ITSN1: variants seen among roughly 807,000 people sequenced by gnomAD.
ITSN1 encodes intersectin-1.
Under a neutral mutation model 239.8 loss-of-function variants are expected in ITSN1, and 58 were observed. The observed-to-expected ratio is 0.24, with a 90% CI of 0.20 to 0.30. The LOEUF (loss-of-function observed/expected upper bound fraction) is 0.30, where lower values mean the gene tolerates loss of function less well. Among genes scored for constraint, ITSN1 ranks in the 10% least tolerant of loss-of-function variants. The pLI is 1.00. For missense variants in ITSN1, 1,558 were observed against 2,103.3 expected (o/e 0.74, Z 5.07); for synonymous variants, 780 against 770.8 (o/e 1.01, Z -0.20).
intron 1 of ITSN1, among the ~76,000 whole-genome samples, chr21:33,657,413 T>C (rs1177053686): frequency 6.6e-6 from 1 of 152,218 alleles, no homozygotes; most frequent in Non-Finnish European, 1.5e-5. Flanking sequence ...CTCTGTTACA[T>C]TTAGGACTTC....
intron 14 of ITSN1, among the ~76,000 whole-genome samples, chr21:33,780,015 A>G (rs923862737): frequency 3.9e-5 from 6 of 152,096 alleles, no homozygotes; most frequent in South Asian, 2.1e-4. Context: ...TATTTTTTGC[A>G]GAGATGGGGT....
rs1255107080 is a variant in ITSN1, at chr21:33,889,948, A to G, written c.*1648A>G. ...AAATACTTTATTATTTATTTATTGA[A>G]GATAGTGTAGAATTTTGTATCAAGA... is the stretch of plus-strand genomic sequence containing the variant. On this transcript the variant is annotated 3_prime_UTR_variant, in exon 40 of 40. Coordinates refer to ENST00000381318, the MANE Select transcript of ITSN1 (RefSeq NM_003024.3). The G allele has an allele frequency of 2.0e-5, 3 of 152,214 alleles. No individual in the cohort carries two copies. Among genetic ancestry groups the G allele is most frequent in the Non-Finnish European group, 4.4e-5 (3 of 68,036 alleles). 9.4% of individuals were successfully genotyped at this position (152,214 alleles called of 1,614,324 possible). A position where few individuals can be genotyped will look rare whatever the true frequency, so the allele number is the denominator to read the frequency against.
At chr21:33,781,962 TTTC>T in intron 15 of ITSN1, 29 bp from the exon 16 acceptor site, 2 of 1,562,424 alleles carry the variant, frequency 1.3e-6, no homozygotes, top group Non-Finnish European at 1.7e-6. Context: ...AATTAAAGTT[TTTC>T]TTATCTTTGC....
chr21:33,846,735 G>A (rs180750668), intron 29 of ITSN1, among the ~76,000 whole-genome samples: 12 of 152,290 alleles, frequency 7.9e-5, no homozygotes, highest in Admixed American at 2.6e-4. Context: ...GGCAGGACAC[G>A]TCACAGTGTT....
At chr21:33,680,248 T>G (rs2090861256) in intron 1 of ITSN1, among the ~76,000 whole-genome samples, 1 of 152,140 alleles carries the variant, frequency 6.6e-6, no homozygotes, top group Admixed American at 6.5e-5. Flanking sequence ...TTCTTTCTGT[T>G]TTTGTTCTTT....
rs534917526 is a variant in ITSN1 at position 33,804,302 on chromosome 21, C to G, written c.2319+1858C>G. On this transcript the variant is annotated intron_variant, in intron 20 of 39. Coordinates refer to ENST00000381318, the MANE Select transcript of ITSN1 (RefSeq NM_003024.3). Reference sequence around the variant, plus strand: ...AAACTTAGCCTGGTTTTATCCAAAACTATAATTTTTCATGTTTAACAAAAA... The same window carrying G: ...AAACTTAGCCTGGTTTTATCCAAAAGTATAATTTTTCATGTTTAACAAAAA... Among the ~76,000 whole-genome samples the G allele has an allele frequency of 3.9e-5, 6 of 152,242 alleles. No individual in the cohort carries two copies. The South Asian group carries it at 8.3e-4, about 21-fold the overall frequency.
chr21:33,841,299 A>G (rs775519553), intron 29 of ITSN1, among the ~76,000 whole-genome samples: 3 of 152,254 alleles, frequency 2.0e-5, no homozygotes, highest in Non-Finnish European at 2.9e-5. Context: ...AGGTTTAACC[A>G]TATGAAATTG....
At chr21:33,701,726 C>T (rs547250755) in intron 1 of ITSN1, among the ~76,000 whole-genome samples, 3 of 151,158 alleles carry the variant, frequency 2.0e-5, no homozygotes, top group South Asian at 2.1e-4. Context: ...ACCCAGGAGG[C>T]GGAGGCTGCA....
chr21:33,698,708 C>T (rs1181837174), intron 1 of ITSN1, among the ~76,000 whole-genome samples: 2 of 152,134 alleles, frequency 1.3e-5, no homozygotes, highest in Non-Finnish European at 2.9e-5. Context: ...AGTACCTTTT[C>T]TCTGTGTTTT....
At chr21:33,798,490 A>G (rs1001885540) in intron 18 of ITSN1, among the ~76,000 whole-genome samples, 1 of 152,166 alleles carries the variant, frequency 6.6e-6, no homozygotes, top group Admixed American at 6.5e-5. Context: ...AGCTAGAAAA[A>G]GCTATCCTTT....
intron 7 of ITSN1, among the ~76,000 whole-genome samples, chr21:33,754,714 A>G (rs187837797): frequency 1.3e-5 from 2 of 152,206 alleles, no homozygotes. Context: ...AGCTGTCTCC[A>G]TTCCCACTCT....
chr21:33,767,290 G>C (rs773077840), intron 10 of ITSN1, among the ~76,000 whole-genome samples: 33 of 152,112 alleles, frequency 2.2e-4, no homozygotes, highest in Admixed American at 5.9e-4. Flanking sequence ...TGTTTCTTAG[G>C]GGGTGAAATG....
chr21:33,774,769 G>C lies in ITSN1; in HGVS notation c.1346G>C (p.Trp449Ser), dbSNP rs1357322509. Reference sequence around the variant, plus strand: ...CTTGAAAGGCAACGACAACTTGAGTGGGAACGGAATCGAAGGCAAGAACTA... The same window carrying C: ...CTTGAAAGGCAACGACAACTTGAGTCGGAACGGAATCGAAGGCAAGAACTA... ...RELERQRQLEWERNRRQELLN... is the reference protein window; with the variant it reads ...RELERQRQLESERNRRQELLN... The change falls in exon 13 of 40, where the codon TGG becomes TCG. Residue 449 changes from tryptophan to serine, a missense_variant. Physicochemically the swap from Trp to Ser is radical, Grantham distance 177 (BLOSUM62 -3). Around this residue, in one of 2 missense-constraint regions of ITSN1, gnomAD observed 982 missense variants for 1,209.9 expected, o/e 0.81. Transcript: ENST00000381318. 1 of 1,613,988 alleles carries C rather than the reference G, an allele frequency of 6.2e-7. No homozygotes were observed. The highest frequency in any genetic ancestry group is 2.2e-5 in the East Asian group (1 of 44,860).
At chr21:33,771,685 C>A (rs567173418) in intron 11 of ITSN1, among the ~76,000 whole-genome samples, 3 of 152,034 alleles carry the variant, frequency 2.0e-5, no homozygotes, top group African/African-American at 7.3e-5. Flanking sequence ...GACTCATCAG[C>A]ACGGTTACAA....
At chr21:33,832,155 T>C (rs2074332266) in intron 27 of ITSN1, among the ~76,000 whole-genome samples, 1 of 152,140 alleles carries the variant, frequency 6.6e-6, no homozygotes, top group South Asian at 2.1e-4. Context: ...CAGCACCCCC[T>C]GCTCTCCTGC....
At chr21:33,709,305 T>G (rs577998172) in intron 1 of ITSN1, among the ~76,000 whole-genome samples, 1 of 152,304 alleles carries the variant, frequency 6.6e-6, no homozygotes, top group South Asian at 2.1e-4. Context: ...CTTCGCAATA[T>G]TTTGTAGTTC....
intron 29 of ITSN1, among the ~76,000 whole-genome samples, chr21:33,841,390 TA>T (rs34720630): frequency 0.12 from 17,524 of 151,326 alleles, 2,809 homozygotes; most frequent in African/African-American, 0.36. Context: ...TAGGTTAGGT[TA>T]AAAAAAAATG....
chr21:33,752,002 T>G (rs1432610705), intron 7 of ITSN1, 96 bp downstream of exon 7: 1 of 836,758 alleles, frequency 1.2e-6, no homozygotes, highest in African/African-American at 1.7e-5. Context: ...CTTTTTGTTG[T>G]TGTCATCTTT....
At chr21:33,784,043 G>C (rs1192049846) in intron 16 of ITSN1, among the ~76,000 whole-genome samples, 1 of 152,020 alleles carries the variant, frequency 6.6e-6, no homozygotes, top group Non-Finnish European at 1.5e-5. Context: ...CTTACATAAA[G>C]GCCAATTTTA....
Sources: allele counts gnomAD v4.1 joint callset (sites outside exome capture counted in the v4.1 genomes callset), GRCh38; gene constraint gnomAD v4.1.1; regional missense constraint gnomAD v4.1.1; transcripts MANE v1.5; gene names NCBI Gene and HGNC (gene_info 2026-07-23, HGNC 2026-07-21).